Variants in TRAPPC12 observed in about 807,000 individuals in gnomAD.
TRAPPC12 encodes trafficking protein particle complex subunit 12.
Under a neutral mutation model 69.2 loss-of-function variants are expected in TRAPPC12, and 61 were observed. The observed-to-expected ratio is 0.88, with a 90% CI of 0.72 to 1.09. The LOEUF (loss-of-function observed/expected upper bound fraction) is 1.09. TRAPPC12 is among the 50% of genes least tolerant of loss of function. The pLI is 0.00. For synonymous variants in TRAPPC12, 469 were observed against 438.9 expected, an observed-to-expected ratio of 1.07 and a Z score of -0.86; for missense variants, 1,101 against 1,016.4, an observed-to-expected ratio of 1.08 and a Z score of -1.13.
At chr2:3,405,166 A>G (rs13401744) in intron 3 of TRAPPC12, among the ~76,000 whole-genome samples, 17,811 of 114,618 alleles carry the variant, frequency 0.16, 1,201 homozygotes, top group Middle Eastern at 0.43. Flanking sequence ...CTCTCTTGAG[A>G]TGTCTTTTTT....
intron 2 of TRAPPC12, among the ~76,000 whole-genome samples, chr2:3,395,572 T>C (rs1661084300): frequency 6.7e-6 from 1 of 149,172 alleles, no homozygotes; most frequent in Non-Finnish European, 1.5e-5. Flanking sequence ...TTTTTTTTTT[T>C]TTTTTTTTGA....
At chr2:3,380,867 C>G (rs1194685271) in intron 1 of TRAPPC12, among the ~76,000 whole-genome samples, 2 of 152,148 alleles carry the variant, frequency 1.3e-5, no homozygotes, top group East Asian at 3.8e-4. Context: ...CTATTTAATC[C>G]TCTTTATTCT....
chr2:3,392,000 A>G (rs1660852288), intron 2 of TRAPPC12, among the ~76,000 whole-genome samples: 2 of 151,636 alleles, frequency 1.3e-5, no homozygotes, highest in African/African-American at 4.8e-5. Flanking sequence ...GACTTAACCT[A>G]TTGCTTCCCA....
chr2:3,477,112 C>G (rs371726945), intron 9 of TRAPPC12, among the ~76,000 whole-genome samples: 34 of 152,332 alleles, frequency 2.2e-4, no homozygotes, highest in African/African-American at 7.7e-4. Context: ...CTTCCACCCC[C>G]CAGGCCTCCT....
At chr2:3,428,794 C>A (rs956840955) in intron 5 of TRAPPC12, among the ~76,000 whole-genome samples, 1 of 152,188 alleles carries the variant, frequency 6.6e-6, no homozygotes, top group African/African-American at 2.4e-5. Flanking sequence ...GGGGCCGACC[C>A]AGCCCCGCGC....
intron 2 of TRAPPC12, among the ~76,000 whole-genome samples, chr2:3,395,121 G>C (rs1047438085): frequency 6.6e-6 from 1 of 152,204 alleles, no homozygotes; most frequent in Non-Finnish European, 1.5e-5. Flanking sequence ...AGTGGGCACA[G>C]TATTTCATGT....
chr2:3,425,616 G>A (rs1173317148), intron 5 of TRAPPC12, among the ~76,000 whole-genome samples: 1 of 152,092 alleles, frequency 6.6e-6, no homozygotes, highest in African/African-American at 2.4e-5. Context: ...ACTCTCTTCC[G>A]AATGTATCAG....
chr2:3,476,028 C>T (rs1025920943), intron 9 of TRAPPC12, among the ~76,000 whole-genome samples: 22 of 152,154 alleles, frequency 1.4e-4, no homozygotes, highest in African/African-American at 5.3e-4. Context: ...GCCCATGCTG[C>T]CTTCGGTTTC....
At chr2:3,410,728 A>G (rs968740464) in intron 3 of TRAPPC12, among the ~76,000 whole-genome samples, 1 of 152,184 alleles carries the variant, frequency 6.6e-6, no homozygotes, top group African/African-American at 2.4e-5. Flanking sequence ...TTTGAGGTCC[A>G]TCAAATAGAT....
chr2:3,441,970 A>G (rs1664234489), intron 5 of TRAPPC12, among the ~76,000 whole-genome samples: 1 of 152,212 alleles, frequency 6.6e-6, no homozygotes, highest in Admixed American at 6.5e-5. Flanking sequence ...TTGTCAGGAT[A>G]AGGGGCAGCT....
chr2:3,422,422 TA>T (rs955843365), intron 4 of TRAPPC12, among the ~76,000 whole-genome samples: 7 of 151,086 alleles, frequency 4.6e-5, no homozygotes, highest in African/African-American at 1.5e-4. Context: ...CTCTGAAATT[TA>T]AAAAAAAAGA....
chr2:3,428,778 G>A (rs541987161), intron 5 of TRAPPC12, among the ~76,000 whole-genome samples: 7 of 152,178 alleles, frequency 4.6e-5, no homozygotes, highest in South Asian at 2.1e-4. Flanking sequence ...CGAGGACTAC[G>A]TGCCTGGGGC....
intron 2 of TRAPPC12, among the ~76,000 whole-genome samples, chr2:3,393,704 AG>A (rs201056397): frequency 0.11 from 8,530 of 79,996 alleles, 796 homozygotes; most frequent in African/African-American, 0.29. Flanking sequence ...AAAAAAAAAA[AG>A]AACTGGAAAT....
chr2:3,464,880 A>C (rs1665720768), intron 8 of TRAPPC12, among the ~76,000 whole-genome samples: 1 of 152,230 alleles, frequency 6.6e-6, no homozygotes, highest in Admixed American at 6.5e-5. Flanking sequence ...GCCCTTGAGG[A>C]GGGGCCACGG....
intron 2 of TRAPPC12, among the ~76,000 whole-genome samples, chr2:3,390,803 C>T (rs899287709): frequency 1.1e-4 from 17 of 152,084 alleles, no homozygotes; most frequent in Non-Finnish European, 1.6e-4. Flanking sequence ...TGGCGAGGTG[C>T]GTTGATCATG....
chr2:3,440,819 GT>G (rs760404905), intron 5 of TRAPPC12, among the ~76,000 whole-genome samples: 21 of 152,304 alleles, frequency 1.4e-4, no homozygotes, highest in South Asian at 1.0e-3. Context: ...CCTTTATTAA[GT>G]TGAGGAAGTT....
At chr2:3,402,512 T>G (rs1202060773) in intron 3 of TRAPPC12, among the ~76,000 whole-genome samples, 3 of 152,044 alleles carry the variant, frequency 2.0e-5, no homozygotes, top group Admixed American at 1.3e-4. Context: ...TCGCTTGAAC[T>G]GGGACCCGGG....
chr2:3,389,143 A>C (rs186177276), intron 2 of TRAPPC12: 1 of 155,864 alleles, frequency 6.4e-6, no homozygotes, highest in African/African-American at 2.4e-5. Context: ...GTAACATACA[A>C]ATGTTCGATC....
intron 8 of TRAPPC12, chr2:3,461,038 T>C: frequency 6.6e-6 from 1 of 152,368 alleles, no homozygotes; most frequent in East Asian, 1.9e-4. Flanking sequence ...GGAGCAGTGC[T>C]CGTAACACCT....
Sources: gnomAD v4.1 joint callset for allele counts (sites outside exome capture counted in the v4.1 genomes callset) on GRCh38, gnomAD v4.1.1 for gene constraint, MANE v1.5 for transcripts, NCBI Gene and HGNC (gene_info 2026-07-23, HGNC 2026-07-21) for gene names.